Variants in CHSY3 observed in about 807,000 individuals in gnomAD.
CHSY3 encodes the protein N-acetylgalactosaminyl-proteoglycan 3-beta-glucuronosyltransferase 3.
A neutral mutation model predicts 67.2 loss-of-function variants in CHSY3; 35 were observed. The ratio of observed to expected loss-of-function variants is 0.52; its 90% CI spans 0.40 to 0.69. The LOEUF (loss-of-function observed/expected upper bound fraction) is 0.69. Ranked by LOEUF, CHSY3 falls within the 30% of genes least tolerant of loss-of-function variation. The pLI is 0.00. For missense variants in CHSY3, 1,069 were observed against 1,138.5 expected (o/e 0.94, Z 0.88); for synonymous variants, 474 against 434.7 (o/e 1.09, Z -1.12).
rs1461552726 is a variant in CHSY3 at position 130,184,992 on chromosome 5, A to G, written c.1850A>G (p.Asn617Ser). 1 of 1,556,256 alleles carries G rather than the reference A, an allele frequency of 6.4e-7. No homozygotes were observed. The highest frequency in any genetic ancestry group is 8.9e-7 in the Non-Finnish European group (1 of 1,127,628). ...FQGAKEMGGH[N>S]EKKVHILVPL... The stretch of plus-strand genomic sequence containing the variant: ...GGTGCCAAAGAAATGGGAGGGCACA[A>G]TGAAAAGAAAGTACACATTCTCGTT... The change falls in exon 3 of 3, where the codon AAT (asparagine) becomes AGT (serine). Residue 617 changes from asparagine (N) to serine (S), a missense_variant. By Grantham distance (46) the Asn-to-Ser change is conservative (BLOSUM62 1). Transcript: ENST00000305031.
chr5:129,994,059 T>C (rs574653606), intron 2 of CHSY3, among the ~76,000 whole-genome samples: 4 of 152,336 alleles, frequency 2.6e-5, no homozygotes, highest in East Asian at 1.9e-4. Context: ...TTCTGGCTTA[T>C]AGAGTTTCTG....
intron 2 of CHSY3, among the ~76,000 whole-genome samples, chr5:130,061,045 T>A (rs1016832408): frequency 1.3e-4 from 20 of 152,144 alleles, no homozygotes; most frequent in African/African-American, 4.8e-4. Flanking sequence ...TCATTTTTCA[T>A]AGAAGTATAA....
intron 2 of CHSY3, among the ~76,000 whole-genome samples, chr5:130,183,069 G>C (rs141300159): frequency 4.8e-4 from 73 of 151,908 alleles, no homozygotes; most frequent in Non-Finnish European, 9.3e-4. Flanking sequence ...TGCAGACATG[G>C]TGCTGCTGGC....
At chr5:130,052,560 A>T (rs2149672227) in intron 2 of CHSY3, among the ~76,000 whole-genome samples, 1 of 152,276 alleles carries the variant, frequency 6.6e-6, no homozygotes, top group African/African-American at 2.4e-5. Flanking sequence ...AATATTTATG[A>T]ATGTCTTATT....
chr5:130,175,966 A>G (rs1003050992), intron 2 of CHSY3, among the ~76,000 whole-genome samples: 1 of 152,212 alleles, frequency 6.6e-6, no homozygotes, highest in South Asian at 2.1e-4. Flanking sequence ...ATTAAACACC[A>G]AAAGCAATGG....
intron 2 of CHSY3, among the ~76,000 whole-genome samples, chr5:129,935,904 G>A (rs116108177): frequency 0.01 from 1,538 of 152,154 alleles, 26 homozygotes; most frequent in African/African-American, 0.035. Flanking sequence ...CTGCAGAGGA[G>A]TTTTGGACGA....
At chr5:129,931,384 G>A (rs1761303530) in intron 2 of CHSY3, among the ~76,000 whole-genome samples, 1 of 152,054 alleles carries the variant, frequency 6.6e-6, no homozygotes, top group Admixed American at 6.6e-5. Flanking sequence ...CGTGGGCTTT[G>A]AATAGTTCTA....
At chr5:130,116,834 G>A (rs1049486780) in intron 2 of CHSY3, among the ~76,000 whole-genome samples, 1 of 150,786 alleles carries the variant, frequency 6.6e-6, no homozygotes, top group African/African-American at 2.4e-5. Flanking sequence ...CTCCTGAAGT[G>A]AAAAATTGCC....
chr5:129,908,457 G>A, intron 2 of CHSY3, 97 bp downstream of exon 2: 1 of 1,483,088 alleles, frequency 6.7e-7, no homozygotes, highest in Non-Finnish European at 9.0e-7. Context: ...CTGTATCTTT[G>A]TATTTACTTG....
At chr5:129,998,283 T>A (rs1374502548) in intron 2 of CHSY3, among the ~76,000 whole-genome samples, 1 of 152,220 alleles carries the variant, frequency 6.6e-6, no homozygotes, top group Non-Finnish European at 1.5e-5. Flanking sequence ...AAAGTAGGTA[T>A]CTTTAAGATC....
At chr5:130,110,774 A>G (rs1170511014) in intron 2 of CHSY3, among the ~76,000 whole-genome samples, 1 of 151,998 alleles carries the variant, frequency 6.6e-6, no homozygotes, top group East Asian at 1.9e-4. Flanking sequence ...ACTGTGCAGC[A>G]TTATAAGATA....
At chr5:129,992,592 C>A (rs942905956) in intron 2 of CHSY3, among the ~76,000 whole-genome samples, 1 of 152,130 alleles carries the variant, frequency 6.6e-6, no homozygotes, top group African/African-American at 2.4e-5. Flanking sequence ...TTTTTTACAT[C>A]ATTCCAGTAA....
chr5:129,923,559 T>A (rs935675530), intron 2 of CHSY3, among the ~76,000 whole-genome samples: 12 of 152,060 alleles, frequency 7.9e-5, no homozygotes, highest in African/African-American at 2.9e-4. Flanking sequence ...TGCAGGGTGG[T>A]AGGTGTGCAG....
At chr5:129,985,456 G>A (rs1473414123) in intron 2 of CHSY3, among the ~76,000 whole-genome samples, 1 of 151,330 alleles carries the variant, frequency 6.6e-6, no homozygotes, top group Non-Finnish European at 1.5e-5. Context: ...GTCAAGTAGT[G>A]TGATGCTTCA....
chr5:130,030,498 T>G (rs80225102), intron 2 of CHSY3, among the ~76,000 whole-genome samples: 1,636 of 152,298 alleles, frequency 0.011, 31 homozygotes, highest in African/African-American at 0.038. Context: ...ACAACTCTGA[T>G]ATAATACTGG....
At chr5:130,123,971 C>T (rs150644214) in intron 2 of CHSY3, among the ~76,000 whole-genome samples, 511 of 122,936 alleles carry the variant, frequency 4.2e-3, no homozygotes, top group Middle Eastern at 0.011. Flanking sequence ...AGGCAGGAGG[C>T]GGAGCTTGCA....
intron 2 of CHSY3, among the ~76,000 whole-genome samples, chr5:130,085,288 C>A (rs1766577974): frequency 6.6e-6 from 1 of 151,848 alleles, no homozygotes; most frequent in Admixed American, 6.6e-5. Flanking sequence ...CATATTTGAT[C>A]AAATAATGAT....
At chr5:129,978,924 C>G (rs1479167682) in intron 2 of CHSY3, among the ~76,000 whole-genome samples, 1 of 151,770 alleles carries the variant, frequency 6.6e-6, no homozygotes, top group Non-Finnish European at 1.5e-5. Flanking sequence ...ATTGGCCGGG[C>G]GTGGTGGCTC....
intron 2 of CHSY3, among the ~76,000 whole-genome samples, chr5:130,163,143 T>A (rs1450974759): frequency 6.6e-6 from 1 of 152,104 alleles, no homozygotes; most frequent in Non-Finnish European, 1.5e-5. Context: ...AAAAGTAATG[T>A]CTAAGTTAGT....
Sources: allele counts gnomAD v4.1 joint callset (sites outside exome capture counted in the v4.1 genomes callset), GRCh38; gene constraint gnomAD v4.1.1; transcripts MANE v1.5; gene names NCBI Gene and HGNC (gene_info 2026-07-23, HGNC 2026-07-21).